AUTS2: variants seen among roughly 807,000 people sequenced by gnomAD.
The protein encoded by AUTS2 is autism susceptibility gene 2 protein.
AUTS2 carries 17 observed loss-of-function variants against 112.4 expected under a neutral mutation model. That is an observed-to-expected ratio of 0.15 (90% CI 0.10 to 0.23). The LOEUF (loss-of-function observed/expected upper bound fraction) is 0.23. Ranked by LOEUF, AUTS2 falls within the 10% of genes least tolerant of loss-of-function variation. The probability of loss-of-function intolerance (pLI) is 1.00; values close to 1 mark genes in which losing one functional copy is unlikely to be tolerated. For missense variants in AUTS2, 1,510 were observed against 1,701.6 expected (o/e 0.89, Z 1.98); for synonymous variants, 751 against 702.7 (o/e 1.07, Z -1.09).
At chr7:70,502,883 T>C (rs887276413) in intron 5 of AUTS2, among the ~76,000 whole-genome samples, 22 of 150,986 alleles carry the variant, frequency 1.5e-4, no homozygotes, top group Middle Eastern at 3.2e-3. Flanking sequence ...CAAGATATCA[T>C]GTACCCTCCA....
chr7:69,679,484 A>G, intron 1 of AUTS2, among the ~76,000 whole-genome samples: 1 of 152,240 alleles, frequency 6.6e-6, no homozygotes, highest in East Asian at 1.9e-4. Flanking sequence ...AAACTTAGCT[A>G]TTGCATTTTA....
chr7:70,466,271 G>C (rs1054443674), intron 5 of AUTS2, among the ~76,000 whole-genome samples: 2 of 152,102 alleles, frequency 1.3e-5, no homozygotes, highest in Non-Finnish European at 2.9e-5. Flanking sequence ...GGACATTTTT[G>C]GTACCTAATG....
chr7:70,247,875 G>A (rs545076650), intron 4 of AUTS2, among the ~76,000 whole-genome samples: 54 of 152,162 alleles, frequency 3.5e-4, no homozygotes, highest in South Asian at 6.2e-4. Context: ...GTTTTGTTTT[G>A]TTTTTAGGTA....
At chr7:70,389,688 A>G (rs1040673907) in intron 4 of AUTS2, among the ~76,000 whole-genome samples, 2 of 152,062 alleles carry the variant, frequency 1.3e-5, no homozygotes, top group South Asian at 2.1e-4. Flanking sequence ...AAGAAATCAT[A>G]CTTTGGCTCC....
chr7:69,979,739 G>T (rs987613294), intron 2 of AUTS2, among the ~76,000 whole-genome samples: 1 of 152,138 alleles, frequency 6.6e-6, no homozygotes, highest in South Asian at 2.1e-4. Flanking sequence ...TGCTACTGAG[G>T]GCAGGAGGCA....
chr7:70,529,108 T>C (rs1249664525), intron 5 of AUTS2, among the ~76,000 whole-genome samples: 1 of 152,022 alleles, frequency 6.6e-6, no homozygotes, highest in Non-Finnish European at 1.5e-5. Context: ...CACAAACACA[T>C]GAAAGAGCTA....
At chr7:70,213,538 CA>C (rs71077632) in intron 4 of AUTS2, among the ~76,000 whole-genome samples, 300 of 124,586 alleles carry the variant, frequency 2.4e-3, no homozygotes, top group Middle Eastern at 4.5e-3. Context: ...GACCCTGTCT[CA>C]AAAAAAAAAA....
chr7:70,171,341 A>G (rs377414435), intron 4 of AUTS2, among the ~76,000 whole-genome samples: 4 of 152,156 alleles, frequency 2.6e-5, no homozygotes, highest in South Asian at 4.2e-4. Context: ...CCTGTCCTTT[A>G]CCCTTCGCAG....
At chr7:70,220,462 A>G (rs1811417217) in intron 4 of AUTS2, among the ~76,000 whole-genome samples, 1 of 152,178 alleles carries the variant, frequency 6.6e-6, no homozygotes, top group South Asian at 2.1e-4. Flanking sequence ...TCCCTGATGA[A>G]GCTTACAGTT....
At chr7:70,599,291 C>T (rs563833689) in intron 5 of AUTS2, among the ~76,000 whole-genome samples, 11 of 152,330 alleles carry the variant, frequency 7.2e-5, no homozygotes, top group African/African-American at 1.4e-4. Flanking sequence ...CACCTGTAAC[C>T]CAGTTCCATG....
At chr7:69,614,650 A>T (rs723424) in intron 1 of AUTS2, among the ~76,000 whole-genome samples, 7 of 151,354 alleles carry the variant, frequency 4.6e-5, no homozygotes, top group Admixed American at 4.6e-4. Flanking sequence ...ACCCCTGCTA[A>T]TTTTTTTTGG....
intron 2 of AUTS2, among the ~76,000 whole-genome samples, chr7:70,085,566 CA>C (rs1345294214): frequency 6.6e-6 from 1 of 152,092 alleles, no homozygotes; most frequent in Non-Finnish European, 1.5e-5. Context: ...AGGGTTTCAC[CA>C]TGTTGGCCAG....
intron 1 of AUTS2, among the ~76,000 whole-genome samples, chr7:69,820,726 A>G (rs1790953035): frequency 6.6e-6 from 1 of 152,170 alleles, no homozygotes; most frequent in South Asian, 2.1e-4. Context: ...GGTTTTGAGG[A>G]CTGAATAGGA....
rs117194873 is a variant in AUTS2, at chr7:69,821,497, G to A, written c.310-77789G>A. ...ATAAAAGCTGGCTACCCCAGCCAGC[G>A]GTAGCAATGCAGCACTGATCCCCTT... On this transcript the variant is annotated intron_variant, in intron 1 of 18. Coordinates refer to ENST00000342771, the MANE Select transcript of AUTS2 (RefSeq NM_015570.4). 2.3e-3 allele frequency among the ~76,000 whole-genome samples: 354 copies of A among 152,122 alleles called. 13 individuals are homozygous for A. In the East Asian group the frequency reaches 0.062, roughly 27 times the overall value.
Position 70,492,040 on chromosome 7 carries a change from G to A in AUTS2, c.690+56259G>A, listed in dbSNP as rs564606008. Among the ~76,000 whole-genome samples the A allele has an allele frequency of 8.3e-4, 126 of 152,182 alleles. 1 individual carries two copies. The highest frequency in any genetic ancestry group is 4.4e-5 in the Non-Finnish European group (3 of 68,000). On this transcript the variant is annotated intron_variant, in intron 5 of 18. Coordinates refer to ENST00000342771, the MANE Select transcript of AUTS2 (RefSeq NM_015570.4). ...GCCTTCCTGGCGCCTGTGTTCCTCA[G>A]GCTGACCACGCTGGATTCCTCTTCT...
chr7:69,914,592 G>C (rs1026077798), intron 2 of AUTS2, among the ~76,000 whole-genome samples: 2 of 151,868 alleles, frequency 1.3e-5, no homozygotes, highest in African/African-American at 4.8e-5. Flanking sequence ...GTTGTAGCCT[G>C]TCAGGATGGT....
chr7:69,981,494 A>G (rs1181670421), intron 2 of AUTS2, among the ~76,000 whole-genome samples: 2 of 152,220 alleles, frequency 1.3e-5, no homozygotes, highest in Non-Finnish European at 2.9e-5. Flanking sequence ...TAATGTTAAT[A>G]CCTAATATAC....
intron 5 of AUTS2, among the ~76,000 whole-genome samples, chr7:70,687,121 G>T (rs572251988): frequency 6.6e-6 from 1 of 152,314 alleles, no homozygotes; most frequent in East Asian, 1.9e-4. Context: ...ACTAAGGCAG[G>T]ATGCGTACCT....
chr7:70,026,684 T>G (rs1484173247), intron 2 of AUTS2, among the ~76,000 whole-genome samples: 1 of 152,210 alleles, frequency 6.6e-6, no homozygotes, highest in Non-Finnish European at 1.5e-5. Context: ...AGCTTGATAG[T>G]TAGCAGGTGA....
Sources: allele counts gnomAD v4.1 joint callset (sites outside exome capture counted in the v4.1 genomes callset), GRCh38; gene constraint gnomAD v4.1.1; transcripts MANE v1.5; gene names NCBI Gene and HGNC (gene_info 2026-07-23, HGNC 2026-07-21).